PHKA2: variants seen among roughly 807,000 people sequenced by gnomAD.
The protein encoded by PHKA2 is phosphorylase kinase regulatory subunit alpha 2, also known as phosphorylase b kinase regulatory subunit alpha, liver isoform.
Under a neutral mutation model 102.0 loss-of-function variants are expected in PHKA2, and 31 were observed. The observed-to-expected ratio is 0.30, with a 90% CI of 0.23 to 0.41. The LOEUF is 0.41. Among genes scored for constraint, PHKA2 ranks in the 10% least tolerant of loss-of-function variants. The pLI is 1.00. For missense variants in PHKA2, 858 were observed against 1,023.1 expected, an observed-to-expected ratio of 0.84 and a Z score of 2.20; for synonymous variants, 455 against 416.2, an observed-to-expected ratio of 1.09 and a Z score of -1.13.
intron 1 of PHKA2, among the ~76,000 whole-genome samples, chrX:18,971,693 T>G (rs915585338): frequency 5.3e-5 from 6 of 112,796 alleles, no homozygotes; most frequent in African/African-American, 1.9e-4. Flanking sequence ...TATTATAGAT[T>G]GCTAAATAAC....
At chrX:18,974,708 C>G (rs1385366357) in intron 1 of PHKA2, among the ~76,000 whole-genome samples, 1 of 111,092 alleles carries the variant, frequency 9.0e-6, no homozygotes, top group Admixed American at 9.6e-5. Context: ...TGGTGAGAAC[C>G]ATCTCTCTTG....
At chrX:18,943,122 C>G (rs780941873) in intron 7 of PHKA2, among the ~76,000 whole-genome samples, 1 of 111,818 alleles carries the variant, frequency 8.9e-6, no homozygotes, top group South Asian at 3.7e-4. Flanking sequence ...ACGTACTTGG[C>G]ACACAGCGGG....
chrX:18,963,306 C>T (rs138180198), intron 1 of PHKA2, among the ~76,000 whole-genome samples: 20 of 112,404 alleles, frequency 1.8e-4, no homozygotes, highest in Non-Finnish European at 1.7e-4. Flanking sequence ...GAGAGCCACG[C>T]TAAGTCAGTC....
chrX:18,930,026 C>G (rs2048286447), intron 12 of PHKA2, among the ~76,000 whole-genome samples: 1 of 112,510 alleles, frequency 8.9e-6, no homozygotes, highest in South Asian at 3.7e-4. Flanking sequence ...CATTAGCATT[C>G]ATCAGGCCCC....
In PHKA2 at chrX:18,960,554, C is replaced by T. The variant is rs6633174; in HGVS notation, c.79-6142G>A. Among the ~76,000 whole-genome samples, 3 of 111,493 alleles carry T rather than the reference C, an allele frequency of 2.7e-5. No homozygotes were observed. The Admixed American group carries it at 2.9e-4, about 11-fold the overall frequency. ...GGGGGAGGTGCCACATACTTTTAAA[C>T]TACCAAATCTCGGGAGAACTCACTA... On this transcript the variant is annotated intron_variant, in intron 1 of 32. Coordinates refer to ENST00000379942, the MANE Select transcript of PHKA2 (RefSeq NM_000292.3).
chrX:18,903,437 C>G (rs6633167), intron 26 of PHKA2, among the ~76,000 whole-genome samples: 5 of 112,448 alleles, frequency 4.4e-5, no homozygotes, highest in African/African-American at 1.6e-4. Context: ...GGGGCTGGCA[C>G]CCCGGGCAGC....
chrX:18,946,696 G>A (rs963528496), intron 5 of PHKA2, among the ~76,000 whole-genome samples: 1 of 110,330 alleles, frequency 9.1e-6, no homozygotes, highest in African/African-American at 3.3e-5. Context: ...GACTGCACAA[G>A]CTATTCCTGC....
At chrX:18,978,887 C>A (rs1176170836) in intron 1 of PHKA2, among the ~76,000 whole-genome samples, 1 of 111,196 alleles carries the variant, frequency 9.0e-6, no homozygotes, top group Non-Finnish European at 1.9e-5. Flanking sequence ...CACCTGTAAT[C>A]CCAGCACTTT....
intron 8 of PHKA2, 45 bp downstream of exon 8, chrX:18,941,484 G>A: frequency 8.7e-7 from 1 of 1,153,926 alleles, no homozygotes; most frequent in Non-Finnish European, 1.2e-6. Context: ...GCTGCTCCAT[G>A]CACATCACAC....
chrX:18,937,781 C>CA (rs757282035), intron 10 of PHKA2, among the ~76,000 whole-genome samples: 5 of 112,127 alleles, frequency 4.5e-5, no homozygotes, highest in Non-Finnish European at 9.4e-5. Flanking sequence ...AGCAAGCTTT[C>CA]AAGCAAGGCA....
chrX:18,924,710 G>A (rs774055152), intron 15 of PHKA2, among the ~76,000 whole-genome samples, 185 bp from the exon 16 acceptor site: 10 of 112,104 alleles, frequency 8.9e-5, no homozygotes, highest in African/African-American at 2.6e-4. Flanking sequence ...CTGCCTGCCC[G>A]GGAGCTGTCG....
At position 18,943,397 on chromosome X, in the gene PHKA2, T is replaced by C. The variant is rs1367425009; in HGVS notation, c.717+313A>G. On this transcript the variant is annotated intron_variant, in intron 7 of 32. Transcript: ENST00000379942. ...TAAACCTGAAAGAAAACCATCTATG[T>C]GCTCAAAAGACATAAAACAGACTTT... Among the ~76,000 whole-genome samples, 2 of 112,412 alleles carry C rather than the reference T, an allele frequency of 1.8e-5. 1 individual carries two copies. The highest frequency in any genetic ancestry group is 1.9e-4 in the Admixed American group (2 of 10,587).
chrX:18,897,386 G>T (rs1344436878), intron 29 of PHKA2, 53 bp from the exon 30 acceptor site: 32 of 1,135,759 alleles, frequency 2.8e-5, no homozygotes, highest in Non-Finnish European at 3.7e-5. Context: ...GTGCCCCAGG[G>T]AAAGTGCGCC....
At chrX:18,922,823 T>A (rs1246452651) in intron 17 of PHKA2, among the ~76,000 whole-genome samples, 1 of 111,106 alleles carries the variant, frequency 9.0e-6, no homozygotes, top group East Asian at 2.8e-4. Context: ...AACTATACAC[T>A]TACAAATGGT....
intron 1 of PHKA2, among the ~76,000 whole-genome samples, chrX:18,960,972 C>T (rs932895929): frequency 8.9e-5 from 10 of 112,355 alleles, no homozygotes; most frequent in Non-Finnish European, 1.9e-4. Flanking sequence ...GTCTTTTTAA[C>T]AGTGTTGGGA....
At chrX:18,902,516 C>A (rs1368136373) in intron 26 of PHKA2, among the ~76,000 whole-genome samples, 1 of 108,229 alleles carries the variant, frequency 9.2e-6, no homozygotes, top group South Asian at 4.2e-4. Context: ...AATTCCAGCA[C>A]TTTGGGAGGC....
In PHKA2 at chrX:18,895,199, C is replaced by T; in HGVS notation, c.3283-8G>A. On this transcript the variant is annotated splice_polypyrimidine_tract_variant and splice_region_variant and intron_variant, in intron 30 of 32. Transcript: ENST00000379942. ...GATGGAGAGACCGTGGCACTGGAGG[C>T]AGAATAGAGCGCATTTCAGTCAGAT... The T allele has an allele frequency of 8.3e-7, 1 of 1,207,007 alleles. No homozygotes were observed. The highest frequency in any genetic ancestry group is 3.0e-5 in the East Asian group (1 of 33,802).
In PHKA2 at chrX:18,897,150, C is replaced by T. The variant is rs200925279; in HGVS notation, c.3282+13G>A. ...GACGGTTCACTTCCCCAGGAGCTCG[C>T]GTCTCGGCTTACCTTCTGGAGGATC... On this transcript the variant is annotated intron_variant, in intron 30 of 32. Transcript: ENST00000379942. The T allele has an allele frequency of 4.5e-3, 5,432 of 1,208,437 alleles. 11 individuals are homozygous for T. Among genetic ancestry groups the T allele is most frequent in the Non-Finnish European group, 5.3e-3 (4,707 of 893,803 alleles).
chrX:18,975,395 C>G (rs1403145036), intron 1 of PHKA2, among the ~76,000 whole-genome samples: 2 of 111,934 alleles, frequency 1.8e-5, no homozygotes, highest in African/African-American at 6.5e-5. Context: ...CCTTGTCTTC[C>G]GTCATGACTG....
Sources: allele counts gnomAD v4.1 joint callset (sites outside exome capture counted in the v4.1 genomes callset), GRCh38; gene constraint gnomAD v4.1.1; transcripts MANE v1.5; gene names NCBI Gene and HGNC (gene_info 2026-07-23, HGNC 2026-07-21).